Variants in ACVR2B observed in about 807,000 individuals in gnomAD.
ACVR2B encodes the protein activin receptor type-2B.
In ACVR2B, 18 loss-of-function variants were observed where a neutral mutation model predicts 65.1. That is an observed-to-expected ratio of 0.28 (90% CI 0.19 to 0.41). The LOEUF (loss-of-function observed/expected upper bound fraction) is 0.41, where lower values mean the gene tolerates loss of function less well. Ranked by LOEUF, ACVR2B falls within the 10% of genes least tolerant of loss-of-function variation. ACVR2B has a pLI of 1.00. For synonymous variants in ACVR2B, 298 were observed against 277.7 expected (o/e 1.07, Z -0.73); for missense variants, 482 against 682.7 (o/e 0.71, Z 3.28).
rs375094633 is a variant in ACVR2B, at chr3:38,478,251, C to T, written c.481C>T (p.Arg161Trp). 68 of 1,613,956 alleles carry T rather than the reference C, an allele frequency of 4.2e-5. No homozygotes were observed. The highest frequency in any genetic ancestry group is 5.3e-5 in the African/African-American group (4 of 74,888). Residue 161 changes from arginine to tryptophan, a missense_variant, in exon 4 of 11, where the codon CGG (arginine) becomes TGG (tryptophan). Transcript: ENST00000352511. Reference protein sequence around the residue: ...LIVLLAFWMYRHRKPPYGHVD... With the variant: ...LIVLLAFWMYWHRKPPYGHVD... ...CGTCCTGCTGGCCTTTTGGATGTAC[C>T]GGCATCGCAAGCCCCCCTACGGTCA...
At position 38,477,193 on chromosome 3, in the gene ACVR2B, C is replaced by T. The variant is rs968078659; in HGVS notation, c.53-94C>T. The T allele has an allele frequency of 1.2e-5, 17 of 1,470,884 alleles. No individual in the cohort carries two copies. In the Admixed American group the frequency reaches 3.0e-4, roughly 26 times the overall value. 91.1% of individuals were successfully genotyped at this position (1,470,884 alleles called of 1,614,324 possible). A position where few individuals can be genotyped will look rare whatever the true frequency, so the allele number is the denominator to read the frequency against. On this transcript the variant is annotated intron_variant, in intron 1 of 10. Transcript: ENST00000352511. This position sits in a 1 kb window ranked among gnomAD's most constrained non-coding sequence, Gnocchi z 6.7. ...CCCCAACCCACCACCCGGCCTCCCT[C>T]CCTCAGGGTGGCCTGGCACCCAGGA...
At chr3:38,467,958 A>G (rs1421906443) in intron 1 of ACVR2B, among the ~76,000 whole-genome samples, 1 of 152,152 alleles carries the variant, frequency 6.6e-6, no homozygotes, top group Non-Finnish European at 1.5e-5. Context: ...GCTCACTGCA[A>G]CCACTGCCCC....
intron 1 of ACVR2B, among the ~76,000 whole-genome samples, chr3:38,469,247 AAAAACAAG>A (rs1553674806): frequency 6.6e-6 from 1 of 152,230 alleles, no homozygotes; most frequent in Non-Finnish European, 1.5e-5. Context: ...GAAGTAAGGG[AAAAACAAG>A]AAGGAGCTGG....
Position 38,491,540 on chromosome 3 carries a change from C to A in ACVR2B, c.*8208C>A, listed in dbSNP as rs1258654315. The A allele has an allele frequency of 6.6e-6, 1 of 152,548 alleles. No homozygotes were observed. Among genetic ancestry groups the A allele is most frequent in the Non-Finnish European group, 1.5e-5 (1 of 68,042 alleles). The allele number at this position is 152,548 out of a possible 1,614,324, so 9.4% of individuals were successfully genotyped here. ...AAGTGTGTGTTTAGCCAAATAATTT[C>A]TCCGTAAGGGAAAAATGCAGTCACC... On this transcript the variant is annotated 3_prime_UTR_variant, in exon 11 of 11. Coordinates refer to ENST00000352511, the MANE Select transcript of ACVR2B (RefSeq NM_001106.4).
chr3:38,478,084 C>A, intron 3 of ACVR2B, 57 bp from the exon 4 acceptor site: 1 of 1,605,482 alleles, frequency 6.2e-7, no homozygotes, highest in Non-Finnish European at 8.5e-7. Context: ...TGTAGTCTGG[C>A]TCTGGAAGTG....
intron 1 of ACVR2B, among the ~76,000 whole-genome samples, chr3:38,471,325 G>A (rs1269924652): frequency 6.6e-6 from 1 of 152,212 alleles, no homozygotes; most frequent in Non-Finnish European, 1.5e-5. Flanking sequence ...CAAGTAATCA[G>A]GGAAATGCAG....
intron 6 of ACVR2B, 131 bp downstream of exon 6, chr3:38,479,402 C>G: frequency 7.2e-7 from 1 of 1,379,856 alleles, no homozygotes; most frequent in East Asian, 2.3e-5. Context: ...GCACTATCCA[C>G]TATGGGGTTA....
intron 1 of ACVR2B, among the ~76,000 whole-genome samples, chr3:38,465,761 T>A (rs1386613801): frequency 6.6e-6 from 1 of 152,212 alleles, no homozygotes; most frequent in Non-Finnish European, 1.5e-5. Flanking sequence ...AGTTAATAGC[T>A]GAGAACTTTC....
At position 38,488,025 on chromosome 3, in the gene ACVR2B, C is replaced by T. The variant is rs1443711805; in HGVS notation, c.*4693C>T. ...GTGAATCTAGTCATCTACCCTTCAT[C>T]CTGGGCGAACAGCCAAAAAGAGAAG... is the stretch of plus-strand genomic sequence containing the variant. On this transcript the variant is annotated 3_prime_UTR_variant, in exon 11 of 11. Coordinates refer to ENST00000352511, the MANE Select transcript of ACVR2B (RefSeq NM_001106.4). 6.6e-6 allele frequency: 1 copy of T among 152,182 alleles called. No homozygotes were observed. Among genetic ancestry groups the T allele is most frequent in the Non-Finnish European group, 1.5e-5 (1 of 68,042 alleles). 9.4% of individuals were successfully genotyped at this position (152,182 alleles called of 1,614,324 possible). A position where few individuals can be genotyped will look rare whatever the true frequency, so the allele number is the denominator to read the frequency against.
chr3:38,458,618 A>G (rs1049791714), intron 1 of ACVR2B, among the ~76,000 whole-genome samples: 16 of 152,128 alleles, frequency 1.1e-4, no homozygotes, highest in African/African-American at 3.6e-4. Context: ...GTGCCAGCCT[A>G]TGCATTCAGC....
chr3:38,460,760 C>T (rs999879352), intron 1 of ACVR2B, among the ~76,000 whole-genome samples: 19 of 152,246 alleles, frequency 1.2e-4, no homozygotes, highest in African/African-American at 4.3e-4. Context: ...GGCCTTCTCC[C>T]TGGCCAGTTT....
Position 38,477,826 on chromosome 3 carries a change from A to G in ACVR2B, c.261-35A>G. ...GGCCTGGGGGAGTCTTGCATCCCCC[A>G]GGTGAGGGGTATATGGAAAATTCTG... On this transcript the variant is annotated intron_variant, in intron 2 of 10. Coordinates refer to ENST00000352511, the MANE Select transcript of ACVR2B (RefSeq NM_001106.4). The surrounding 1 kb of genome is among the most constrained non-coding windows in gnomAD (Gnocchi z 6.7). 1.2e-6 allele frequency: 2 copies of G among 1,602,438 alleles called. No homozygotes were observed. Among genetic ancestry groups the G allele is most frequent in the South Asian group, 1.1e-5 (1 of 90,856 alleles).
chr3:38,485,990 TC>T lies in ACVR2B; in HGVS notation c.*2660del, dbSNP rs902821305. On this transcript the variant is annotated 3_prime_UTR_variant, in exon 11 of 11. Transcript: ENST00000352511. ...CCCAGCCTCTTTGTTTGGTTTTAGTTCCTCTGGGTGGTTTTTCTTTTGTGTG... is the reference window on the plus strand; with the variant it reads ...CCCAGCCTCTTTGTTTGGTTTTAGTTCTCTGGGTGGTTTTTCTTTTGTGTG... 6.6e-6 allele frequency: 1 copy of T among 152,618 alleles called. No homozygotes were observed. Among genetic ancestry groups the T allele is most frequent in the Non-Finnish European group, 1.5e-5 (1 of 68,056 alleles). 9.5% of individuals were successfully genotyped at this position (152,618 alleles called of 1,614,324 possible).
intron 1 of ACVR2B, among the ~76,000 whole-genome samples, chr3:38,458,556 G>A (rs1026738642): frequency 6.6e-6 from 1 of 152,108 alleles, no homozygotes; most frequent in African/African-American, 2.4e-5. Flanking sequence ...TGATCCTGCC[G>A]GATGTTCAGA....
Position 38,490,141 on chromosome 3 carries a change from CAG to C in ACVR2B, c.*6814_*6815del, listed in dbSNP as rs1047575233. On this transcript the variant is annotated 3_prime_UTR_variant, in exon 11 of 11. Coordinates refer to ENST00000352511, the MANE Select transcript of ACVR2B (RefSeq NM_001106.4). The stretch of plus-strand genomic sequence containing the variant: ...TCATTTTAGCCTATTTATTTTTAGG[CAG>C]AGAGTGGATGGTTATTTGTGTGGGA... 2.0e-5 allele frequency: 3 copies of C among 152,240 alleles called. No homozygotes were observed. Among genetic ancestry groups the C allele is most frequent in the Non-Finnish European group, 4.4e-5 (3 of 68,026 alleles). 9.4% of individuals were successfully genotyped at this position (152,240 alleles called of 1,614,324 possible). A position where few individuals can be genotyped will look rare whatever the true frequency, so the allele number is the denominator to read the frequency against.
intron 1 of ACVR2B, among the ~76,000 whole-genome samples, chr3:38,460,707 C>A (rs890411894): frequency 2.6e-5 from 4 of 152,216 alleles, no homozygotes; most frequent in African/African-American, 9.6e-5. Context: ...GGCCCTCTTC[C>A]CAGGGGAATG....
chr3:38,454,738 T>C (rs989140502), intron 1 of ACVR2B: 11 of 193,064 alleles, frequency 5.7e-5, no homozygotes, highest in Non-Finnish European at 8.4e-5. Context: ...GCAGATCTCA[T>C]TGGGGGTGGC....
At chr3:38,467,311 G>GT (rs1397046498) in intron 1 of ACVR2B, among the ~76,000 whole-genome samples, 1 of 152,152 alleles carries the variant, frequency 6.6e-6, no homozygotes, top group East Asian at 1.9e-4. Context: ...GCTAGGCATG[G>GT]TGGCGCATGC....
intron 1 of ACVR2B, among the ~76,000 whole-genome samples, chr3:38,467,955 G>A (rs1709760018): frequency 2.0e-5 from 3 of 152,072 alleles, no homozygotes; most frequent in Admixed American, 1.3e-4. Context: ...TCAGCTCACT[G>A]CAACCACTGC....
Sources: allele counts gnomAD v4.1 joint callset (sites outside exome capture counted in the v4.1 genomes callset), GRCh38; gene constraint gnomAD v4.1.1; non-coding constraint Gnocchi (gnomAD v3.1); transcripts MANE v1.5; gene names NCBI Gene and HGNC (gene_info 2026-07-23, HGNC 2026-07-21).